The following RPH3A variants were observed in gnomAD, a reference collection of about 807,000 sequenced individuals.
The protein encoded by RPH3A is rabphilin 3A, also known as rabphilin-3A.
Under a neutral mutation model 102.2 loss-of-function variants are expected in RPH3A, and 48 were observed. That is an observed-to-expected ratio of 0.47 (90% CI 0.37 to 0.60). The LOEUF (loss-of-function observed/expected upper bound fraction) is 0.60, where lower values mean the gene tolerates loss of function less well. Ranked by LOEUF, RPH3A falls within the 20% of genes least tolerant of loss-of-function variation. The pLI, the probability that RPH3A is intolerant of heterozygous loss-of-function variation, is 0.00. For synonymous variants in RPH3A, 310 were observed against 324.3 expected, an observed-to-expected ratio of 0.96 and a Z score of 0.47; for missense variants, 781 against 910.1, an observed-to-expected ratio of 0.86 and a Z score of 1.83.
intron 1 of RPH3A, among the ~76,000 whole-genome samples, chr12:112,580,582 A>AT (rs2039393531): frequency 6.7e-6 from 1 of 150,048 alleles, no homozygotes; most frequent in Non-Finnish European, 1.5e-5. Flanking sequence ...TTTTTTTTGT[A>AT]TTTTTAGTAG....
At chr12:112,651,052 T>G (rs2039971391) in intron 1 of RPH3A, among the ~76,000 whole-genome samples, 1 of 150,860 alleles carries the variant, frequency 6.6e-6, no homozygotes, top group South Asian at 2.2e-4. Flanking sequence ...TTAATACAAC[T>G]GTGTTCATAT....
intron 1 of RPH3A, among the ~76,000 whole-genome samples, chr12:112,724,872 G>A (rs1380435116): frequency 1.3e-5 from 2 of 152,152 alleles, no homozygotes; most frequent in African/African-American, 4.8e-5. Context: ...GGGAGGCTGA[G>A]GCAGGAGAAT....
intron 1 of RPH3A, among the ~76,000 whole-genome samples, chr12:112,616,025 A>C (rs2039675917): frequency 6.6e-6 from 1 of 152,122 alleles, no homozygotes; most frequent in African/African-American, 2.4e-5. Flanking sequence ...TCTCCTTGCC[A>C]ATGGGAGCAG....
At position 112,868,462 on chromosome 12, in the gene RPH3A, A is replaced by G; in HGVS notation, c.477A>G (p.Lys159=). 1 of 1,614,136 alleles carries G rather than the reference A, an allele frequency of 6.2e-7. No individual in the cohort carries two copies. The highest frequency in any genetic ancestry group is 8.5e-7 in the Non-Finnish European group (1 of 1,180,016). ...AGCGTTCTGGAGCGTGGTTCTTCAA[A>G]GGCTTCCCCAAACAGGTCCTCCCAC... ...VWKRSGAWFF[K]GFPKQVLPQP... The change falls in exon 8 of 22, where the codon AAA becomes AAG. Residue 159 remains lysine (K), a synonymous_variant. Transcript: ENST00000389385.
At chr12:112,684,807 A>C (rs1341840993) in intron 1 of RPH3A, among the ~76,000 whole-genome samples, 1 of 152,162 alleles carries the variant, frequency 6.6e-6, no homozygotes, top group African/African-American at 2.4e-5. Flanking sequence ...GTAATTTACA[A>C]ATAGTAGAAA....
chr12:112,683,390 G>A (rs1016218541), intron 1 of RPH3A, among the ~76,000 whole-genome samples: 4 of 152,158 alleles, frequency 2.6e-5, no homozygotes, highest in South Asian at 2.1e-4. Context: ...AGGCTAGGTA[G>A]GGGTCCTACC....
At chr12:112,713,012 TCTTCCTCTTCC>T (rs1565857191) in intron 1 of RPH3A, among the ~76,000 whole-genome samples, 4 of 77,296 alleles carry the variant, frequency 5.2e-5, no homozygotes, top group African/African-American at 2.1e-4. Flanking sequence ...TTCCTCTTCC[TCTTCCTCTTCC>T]TCTTCTTCTT....
intron 13 of RPH3A, among the ~76,000 whole-genome samples, chr12:112,878,013 G>T (rs2042838047): frequency 6.6e-6 from 1 of 152,210 alleles, no homozygotes; most frequent in African/African-American, 2.4e-5. Context: ...AGCTCATCCA[G>T]TCAGTTCAAG....
chr12:112,683,200 G>A (rs2040239163), intron 1 of RPH3A, among the ~76,000 whole-genome samples: 2 of 152,152 alleles, frequency 1.3e-5, no homozygotes, highest in African/African-American at 4.8e-5. Flanking sequence ...ACTGGGATCT[G>A]ACATTTGGGA....
At chr12:112,825,933 A>AAAATACAT (rs2136147899) in intron 2 of RPH3A, among the ~76,000 whole-genome samples, 1 of 152,210 alleles carries the variant, frequency 6.6e-6, no homozygotes, top group African/African-American at 2.4e-5. Context: ...CTTTTTCTAA[A>AAAATACAT]AAATACATAT....
chr12:112,638,419 T>G (rs1451979532), intron 1 of RPH3A, among the ~76,000 whole-genome samples: 4 of 152,194 alleles, frequency 2.6e-5, no homozygotes, highest in African/African-American at 9.7e-5. Flanking sequence ...AATGGCCATA[T>G]CCACACCTTA....
Position 112,897,100 on chromosome 12 carries a change from A to G in RPH3A, c.*320A>G. On this transcript the variant is annotated 3_prime_UTR_variant, in exon 22 of 22. Coordinates refer to ENST00000389385, the MANE Select transcript of RPH3A (RefSeq NM_001143854.2). ...GGGTAAATTACAAAGGTTCTTCATC[A>G]TTTAGGACTGTTTTTAGACCCTCCT... The G allele has an allele frequency of 3.4e-6, 1 of 293,646 alleles. No homozygotes were observed. The highest frequency in any genetic ancestry group is 4.4e-5 in the South Asian group (1 of 22,532). The allele number at this position is 293,646 out of a possible 1,614,324, so 18.2% of individuals were successfully genotyped here. A position where few individuals can be genotyped will look rare whatever the true frequency, so the allele number is the denominator to read the frequency against.
At chr12:112,868,287 G>A in intron 7 of RPH3A, 143 bp from the exon 8 acceptor site, 1 of 782,998 alleles carries the variant, frequency 1.3e-6, no homozygotes, top group South Asian at 2.0e-5. Flanking sequence ...AATTGTGCAG[G>A]GCTCTGTAGT....
intron 1 of RPH3A, among the ~76,000 whole-genome samples, chr12:112,651,987 A>G (rs2039978157): frequency 6.6e-6 from 1 of 152,076 alleles, no homozygotes. Flanking sequence ...TTTGTTTTCC[A>G]CCCATTCATC....
intron 1 of RPH3A, among the ~76,000 whole-genome samples, chr12:112,766,875 T>C (rs1220843906): frequency 6.6e-6 from 1 of 152,078 alleles, no homozygotes; most frequent in Non-Finnish European, 1.5e-5. Flanking sequence ...GCAGCAGAAA[T>C]ATGACTGGAC....
chr12:112,626,615 T>A (rs1277979606), intron 1 of RPH3A, among the ~76,000 whole-genome samples: 1 of 149,110 alleles, frequency 6.7e-6, no homozygotes, highest in Non-Finnish European at 1.5e-5. Flanking sequence ...TGGGTGGGAC[T>A]GTAAACTAGT....
intron 1 of RPH3A, among the ~76,000 whole-genome samples, chr12:112,602,056 T>C (rs2135969210): frequency 6.6e-6 from 1 of 152,338 alleles, no homozygotes; most frequent in Admixed American, 6.5e-5. Flanking sequence ...TGGGTATTGC[T>C]GAGGCGGGGC....
chr12:112,585,245 A>G (rs2039430201), intron 1 of RPH3A, among the ~76,000 whole-genome samples: 1 of 152,158 alleles, frequency 6.6e-6, no homozygotes, highest in Admixed American at 6.5e-5. Flanking sequence ...GGCCTCTCCT[A>G]GTTCAGTGAC....
At chr12:112,764,771 A>G (rs1450264600) in intron 1 of RPH3A, among the ~76,000 whole-genome samples, 1 of 151,766 alleles carries the variant, frequency 6.6e-6, no homozygotes, top group African/African-American at 2.4e-5. Context: ...CTCTGGCATT[A>G]CCTCCTTCTC....
Sources: gnomAD v4.1 joint callset for allele counts (sites outside exome capture counted in the v4.1 genomes callset) on GRCh38, gnomAD v4.1.1 for gene constraint, MANE v1.5 for transcripts, NCBI Gene and HGNC (gene_info 2026-07-23, HGNC 2026-07-21) for gene names.